The following ANGPT1 variants were observed in gnomAD, a reference collection of about 807,000 sequenced individuals.
The protein encoded by ANGPT1 is angiopoietin 1, also known as angiopoietin-1.
A neutral mutation model predicts 62.2 loss-of-function variants in ANGPT1; 17 were observed. That is an observed-to-expected ratio of 0.27 (90% CI 0.19 to 0.41). ANGPT1 has a LOEUF of 0.41. Ranked by LOEUF, ANGPT1 falls within the 10% of genes least tolerant of loss-of-function variation. ANGPT1 has a pLI of 1.00. For synonymous variants in ANGPT1, 199 were observed against 198.9 expected (o/e 1.00, Z 0.00); for missense variants, 478 against 594.9 (o/e 0.80, Z 2.04).
chr8:107,324,205 G>GTATA (rs749951958), intron 3 of ANGPT1, among the ~76,000 whole-genome samples: 22,064 of 118,756 alleles, frequency 0.19, 2,176 homozygotes, highest in Admixed American at 0.29. Flanking sequence ...GTATATATAT[G>GTATA]TATATATATA....
At chr8:107,363,723 A>C (rs1316316329) in intron 1 of ANGPT1, among the ~76,000 whole-genome samples, 2 of 152,220 alleles carry the variant, frequency 1.3e-5, no homozygotes, top group Admixed American at 1.3e-4. Context: ...AAACTGCCTC[A>C]GTGGGCATGG....
intron 4 of ANGPT1, among the ~76,000 whole-genome samples, 192 bp from the exon 5 acceptor site, chr8:107,303,559 G>A (rs948843284): frequency 2.3e-5 from 3 of 131,984 alleles, no homozygotes; most frequent in African/African-American, 8.7e-5. Context: ...AAAAACTGAA[G>A]GAAAAAGCTG....
At chr8:107,307,867 T>C (rs772660124) in intron 4 of ANGPT1, among the ~76,000 whole-genome samples, 1 of 152,196 alleles carries the variant, frequency 6.6e-6, no homozygotes, top group African/African-American at 2.4e-5. Context: ...GGGCAGTCCT[T>C]CCTGCTACAC....
chr8:107,259,491 G>A lies in ANGPT1; in HGVS notation c.1336+4730C>T, dbSNP rs551160048. Among the ~76,000 whole-genome samples the A allele has an allele frequency of 3.9e-4, 60 of 152,200 alleles. 1 individual carries two copies. Among genetic ancestry groups the A allele is most frequent in the South Asian group, 8.3e-4 (4 of 4,822 alleles). On this transcript the variant is annotated intron_variant, in intron 8 of 8. Transcript: ENST00000517746. ...AAATATCCTTCGTTAGCTTTAGAAA[G>A]TCTTGTCTACCAGTTGACATGGTTT...
At chr8:107,253,746 A>C (rs1563535375) in intron 8 of ANGPT1, among the ~76,000 whole-genome samples, 1 of 152,210 alleles carries the variant, frequency 6.6e-6, no homozygotes, top group Admixed American at 6.5e-5. Context: ...TTGCAACAAC[A>C]GCCTGGCAAT....
At chr8:107,417,284 G>T (rs1208534736) in intron 1 of ANGPT1, among the ~76,000 whole-genome samples, 1 of 152,122 alleles carries the variant, frequency 6.6e-6, no homozygotes, top group African/African-American at 2.4e-5. Context: ...AGAGGGAGGA[G>T]TCATTGTACC....
intron 1 of ANGPT1, among the ~76,000 whole-genome samples, chr8:107,370,722 A>AT (rs1816390258): frequency 8.1e-6 from 1 of 123,156 alleles, no homozygotes. Flanking sequence ...AAAAAAAAAA[A>AT]GAGGAAGAAG....
At chr8:107,471,811 G>C (rs919584548) in intron 1 of ANGPT1, among the ~76,000 whole-genome samples, 1 of 152,014 alleles carries the variant, frequency 6.6e-6, no homozygotes, top group Non-Finnish European at 1.5e-5. Context: ...AAGGTCTGTA[G>C]AAATCCATTG....
intron 1 of ANGPT1, among the ~76,000 whole-genome samples, chr8:107,419,611 C>T (rs555020721): frequency 9.2e-5 from 14 of 152,216 alleles, no homozygotes; most frequent in South Asian, 8.3e-4. Flanking sequence ...AATTTGTATG[C>T]TTTTCTCCGT....
chr8:107,457,047 T>C (rs1811938456), intron 1 of ANGPT1, among the ~76,000 whole-genome samples: 1 of 152,126 alleles, frequency 6.6e-6, no homozygotes, highest in African/African-American at 2.4e-5. Context: ...ACAGTAGAGT[T>C]GTGTCATATG....
At position 107,344,894 on chromosome 8, in the gene ANGPT1, C is replaced by T. The variant is rs546433461; in HGVS notation, c.453+2048G>A. On this transcript the variant is annotated intron_variant, in intron 2 of 8. Coordinates refer to ENST00000517746, the MANE Select transcript of ANGPT1 (RefSeq NM_001146.5). ...AATAATTCAGGATTACTTTTGTAAACTTGGCTCTGAATCAGGATTTGAGTT... is the reference window on the plus strand; with the variant it reads ...AATAATTCAGGATTACTTTTGTAAATTTGGCTCTGAATCAGGATTTGAGTT... Among the ~76,000 whole-genome samples the T allele has an allele frequency of 2.6e-5, 4 of 152,284 alleles. No homozygotes were observed. In the East Asian group the frequency reaches 5.8e-4, roughly 22 times the overall value.
intron 1 of ANGPT1, among the ~76,000 whole-genome samples, chr8:107,361,203 GA>G (rs1816154057): frequency 6.6e-6 from 1 of 151,736 alleles, no homozygotes; most frequent in South Asian, 2.1e-4. Context: ...CTAATATTAT[GA>G]TTTTTTTTAA....
At chr8:107,321,000 T>C (rs185795525) in intron 4 of ANGPT1, among the ~76,000 whole-genome samples, 70 of 152,232 alleles carry the variant, frequency 4.6e-4, no homozygotes, top group Non-Finnish European at 5.0e-4. Flanking sequence ...TGGTATTCTC[T>C]TTCACTCATC....
At chr8:107,315,415 T>C (rs1814990908) in intron 4 of ANGPT1, among the ~76,000 whole-genome samples, 1 of 152,136 alleles carries the variant, frequency 6.6e-6, no homozygotes, top group Non-Finnish European at 1.5e-5. Flanking sequence ...TGCAGGTATA[T>C]AATGATTTCT....
chr8:107,263,559 A>G (rs1283622666), intron 8 of ANGPT1, among the ~76,000 whole-genome samples: 1 of 152,084 alleles, frequency 6.6e-6, no homozygotes, highest in East Asian at 1.9e-4. Flanking sequence ...GATGCATTAC[A>G]TCACTGAAGA....
intron 1 of ANGPT1, among the ~76,000 whole-genome samples, chr8:107,399,533 C>T (rs565858054): frequency 2.4e-4 from 36 of 152,222 alleles, no homozygotes; most frequent in South Asian, 6.2e-4. Context: ...AAAAACGCAT[C>T]ATTTAAAATA....
chr8:107,353,483 C>G (rs932534478), intron 1 of ANGPT1, among the ~76,000 whole-genome samples: 1 of 152,140 alleles, frequency 6.6e-6, no homozygotes, highest in Non-Finnish European at 1.5e-5. Context: ...ATTTGGATCT[C>G]CCCTTTCGCC....
chr8:107,385,895 T>C (rs1434795110), intron 1 of ANGPT1, among the ~76,000 whole-genome samples: 1 of 152,086 alleles, frequency 6.6e-6, no homozygotes, highest in African/African-American at 2.4e-5. Context: ...GATCATGAGG[T>C]TTTTGTTTTC....
chr8:107,343,890 G>A lies in ANGPT1; in HGVS notation c.453+3052C>T, dbSNP rs967631223. 2.0e-5 allele frequency among the ~76,000 whole-genome samples: 3 copies of A among 151,870 alleles called. No individual in the cohort carries two copies. The East Asian group carries it at 5.8e-4, about 29-fold the overall frequency. ...CAGCCTGGGCAACATAGCAAGACCTGGTCTCTACAAAAAATAAGGAAGTTA... is the reference window on the plus strand; with the variant it reads ...CAGCCTGGGCAACATAGCAAGACCTAGTCTCTACAAAAAATAAGGAAGTTA... On this transcript the variant is annotated intron_variant, in intron 2 of 8. Transcript: ENST00000517746.
Sources: gnomAD v4.1 joint callset for allele counts (sites outside exome capture counted in the v4.1 genomes callset) on GRCh38, gnomAD v4.1.1 for gene constraint, MANE v1.5 for transcripts, NCBI Gene and HGNC (gene_info 2026-07-23, HGNC 2026-07-21) for gene names.